Variants in CHIC2 observed in about 807,000 individuals in gnomAD.
CHIC2 encodes the protein cysteine-rich hydrophobic domain-containing protein 2.
In CHIC2, 14 loss-of-function variants were observed where a neutral mutation model predicts 25.9. The ratio of observed to expected loss-of-function variants is 0.54; its 90% confidence interval spans 0.36 to 0.85. The LOEUF is 0.85. CHIC2 is among the 40% of genes least tolerant of loss of function. The pLI, the probability that CHIC2 is intolerant of heterozygous loss-of-function variation, is 0.01. For synonymous variants in CHIC2, 70 were observed against 72.0 expected (o/e 0.97, Z 0.14); for missense variants, 146 against 202.0 (o/e 0.72, Z 1.68).
At chr4:54,058,255 A>G (rs745526138) in intron 1 of CHIC2, among the ~76,000 whole-genome samples, 12 of 152,182 alleles carry the variant, frequency 7.9e-5, no homozygotes, top group Non-Finnish European at 1.5e-4. Context: ...AATGCCTATT[A>G]ATTAGATAAA....
chr4:54,059,609 G>T (rs574650046), intron 1 of CHIC2: 1 of 151,484 alleles, frequency 6.6e-6, no homozygotes, highest in Non-Finnish European at 1.5e-5. Context: ...ACCTTAATTT[G>T]ATAATTTCCT....
intron 3 of CHIC2, among the ~76,000 whole-genome samples, chr4:54,014,433 C>T (rs1715683767): frequency 6.6e-6 from 1 of 151,840 alleles, no homozygotes; most frequent in Admixed American, 6.6e-5. Context: ...AAAATGTTTC[C>T]AATACTTAAA....
At chr4:54,026,448 A>T (rs1716058978) in intron 3 of CHIC2, among the ~76,000 whole-genome samples, 1 of 152,044 alleles carries the variant, frequency 6.6e-6, no homozygotes, top group South Asian at 2.1e-4. Flanking sequence ...TGAACCCGGG[A>T]GGTGGAGGTT....
At chr4:54,083,084 C>T in the CHIC2 span, among the ~76,000 whole-genome samples, 3 of 119,034 alleles carry the variant, frequency 2.5e-5, no homozygotes, top group African/African-American at 3.3e-5. Context: ...GGAGTGATCT[C>T]GGCTCACTGC....
At chr4:54,040,973 A>T (rs1716558167) in intron 3 of CHIC2, among the ~76,000 whole-genome samples, 1 of 139,468 alleles carries the variant, frequency 7.2e-6, no homozygotes, top group African/African-American at 2.6e-5. Context: ...TTGGGGATAG[A>T]TTTTTTTTTT....
At chr4:54,049,354 A>G (rs1183577067) in intron 1 of CHIC2, 49 bp from the exon 2 acceptor site, 1 of 1,227,984 alleles carries the variant, frequency 8.1e-7, no homozygotes, top group Non-Finnish European at 1.2e-6. Context: ...ATTGTTGCCA[A>G]AAATGTAGAC....
At position 54,064,311 on chromosome 4, in the gene CHIC2, C is replaced by A. The variant is rs1337472446; in HGVS notation, c.-11G>T. 1.2e-6 allele frequency: 2 copies of A among 1,613,136 alleles called. No individual in the cohort carries two copies. The highest frequency in any genetic ancestry group is 1.3e-5 in the African/African-American group (1 of 75,034). ...GTCGAAATCCGCCATCCTGAGCCTC[C>A]GAGCTCCCCTGCCCAAAGGGCCTGA... On this transcript the variant is annotated 5_prime_UTR_variant, in exon 1 of 6. Coordinates refer to ENST00000263921, the MANE Select transcript of CHIC2 (RefSeq NM_012110.4). This position sits in a 1 kb window ranked among gnomAD's most constrained non-coding sequence, Gnocchi z 4.2.
intron 3 of CHIC2, among the ~76,000 whole-genome samples, chr4:54,030,283 C>T (rs1056602632): frequency 6.6e-6 from 1 of 151,920 alleles, no homozygotes; most frequent in Non-Finnish European, 1.5e-5. Context: ...TTTGGGAGGC[C>T]GAGGCTGGAG....
At chr4:54,074,703 G>A in the CHIC2 span, among the ~76,000 whole-genome samples, 1 of 151,448 alleles carries the variant, frequency 6.6e-6, no homozygotes, top group Non-Finnish European at 1.5e-5. Context: ...TTCTGAATAT[G>A]TCTACTTTTT....
intron 3 of CHIC2, among the ~76,000 whole-genome samples, chr4:54,032,438 G>T (rs1030979347): frequency 8.5e-5 from 13 of 152,048 alleles, no homozygotes; most frequent in Admixed American, 6.5e-4. Flanking sequence ...ACTGGTTTTC[G>T]TATTTTTTTG....
intron 3 of CHIC2, among the ~76,000 whole-genome samples, chr4:54,029,060 T>C (rs1036826737): frequency 5.3e-5 from 8 of 151,778 alleles, no homozygotes; most frequent in East Asian, 1.9e-4. Flanking sequence ...GAGGTGGAGA[T>C]TGCAGTGAGC....
chr4:54,091,815 C>T, the CHIC2 span, among the ~76,000 whole-genome samples: 2 of 152,230 alleles, frequency 1.3e-5, no homozygotes. Context: ...CTTATGCTCG[C>T]GCTCATGCAC....
intron 1 of CHIC2, among the ~76,000 whole-genome samples, chr4:54,063,726 T>C (rs1344152664): frequency 1.3e-5 from 2 of 152,240 alleles, no homozygotes; most frequent in African/African-American, 4.8e-5. Context: ...ATGTGTGAAA[T>C]AGACACGAAA....
At chr4:54,067,296 CTGTGTGTGTG>C (rs5858255), upstream of CHIC2, among the ~76,000 whole-genome samples, 4 of 149,772 alleles carry the variant, frequency 2.7e-5, no homozygotes, top group African/African-American at 7.4e-5. Flanking sequence ...GTGTGTGTGT[CTGTGTGTGTG>C]TGTGTGTGTG....
chr4:54,018,899 TA>T (rs1002591225), intron 3 of CHIC2, among the ~76,000 whole-genome samples: 3 of 151,994 alleles, frequency 2.0e-5, no homozygotes, highest in African/African-American at 7.2e-5. Context: ...TTTAAACTCT[TA>T]AATCTATAAT....
At chr4:54,034,404 CAA>C (rs34526100) in intron 3 of CHIC2, among the ~76,000 whole-genome samples, 11 of 145,420 alleles carry the variant, frequency 7.6e-5, no homozygotes, top group Admixed American at 2.7e-4. Flanking sequence ...AACTCTGTCT[CAA>C]AAAAAAAAAA....
chr4:54,013,817 A>G lies in CHIC2; in HGVS notation c.447+20T>C. The G allele has an allele frequency of 6.2e-7, 1 of 1,610,530 alleles. No individual in the cohort carries two copies. The highest frequency in any genetic ancestry group is 8.5e-7 in the Non-Finnish European group (1 of 1,177,536). On this transcript the variant is annotated intron_variant, in intron 5 of 5. Coordinates refer to ENST00000263921, the MANE Select transcript of CHIC2 (RefSeq NM_012110.4). ...ATGATCATTTAATAGAGAAACTCACAAAACAGCCCTTTAACTTACATATTC... is the reference window on the plus strand; with the variant it reads ...ATGATCATTTAATAGAGAAACTCACGAAACAGCCCTTTAACTTACATATTC...
intron 3 of CHIC2, among the ~76,000 whole-genome samples, chr4:54,025,814 C>T (rs571780302): frequency 6.1e-5 from 9 of 148,544 alleles, no homozygotes; most frequent in African/African-American, 2.2e-4. Context: ...GTGAACGTGT[C>T]ACTGCACTCC....
chr4:54,063,754 T>C (rs115269768), intron 1 of CHIC2, among the ~76,000 whole-genome samples: 324 of 152,340 alleles, frequency 2.1e-3, no homozygotes, highest in African/African-American at 7.5e-3. Flanking sequence ...TCGCTGCCAA[T>C]TGTCACTGGG....
Sources: allele counts gnomAD v4.1 joint callset (sites outside exome capture counted in the v4.1 genomes callset), GRCh38; gene constraint gnomAD v4.1.1; non-coding constraint Gnocchi (gnomAD v3.1); transcripts MANE v1.5; gene names NCBI Gene and HGNC (gene_info 2026-07-23, HGNC 2026-07-21).